C10orf105: variants seen among roughly 807,000 people sequenced by gnomAD.
C10orf105 encodes chromosome 10 open reading frame 105, also known as uncharacterized protein C10orf105.
C10orf105 carries 2 observed loss-of-function variants against 0.6 expected under a neutral mutation model. That is an observed-to-expected ratio of 3.18 (90% CI 1.30 to 10.01). The LOEUF is 10.01. C10orf105 is among the 30% of genes most tolerant of loss of function. C10orf105 has a pLI of 0.04. For missense variants in C10orf105, 209 were observed against 191.4 expected (o/e 1.09, Z -0.54); for synonymous variants, 95 against 82.4 (o/e 1.15, Z -0.83).
chr10:71,730,127 G>T (rs547814738), intron 1 of C10orf105, among the ~76,000 whole-genome samples: 1 of 152,074 alleles, frequency 6.6e-6, no homozygotes, highest in Non-Finnish European at 1.5e-5. Flanking sequence ...GTGAGCCACC[G>T]CGCCCGGCCG....
At chr10:71,732,487 C>A in intron 1 of C10orf105, 1 of 1,458,814 alleles carries the variant, frequency 6.9e-7, no homozygotes, top group Non-Finnish European at 9.2e-7. Flanking sequence ...CTTGAGATGG[C>A]CAAGTGTGGT....
chr10:71,725,475 G>A lies in C10orf105; in HGVS notation c.-5-9133C>T, dbSNP rs763647586. 1 of 1,613,958 alleles carries A rather than the reference G, an allele frequency of 6.2e-7. No individual in the cohort carries two copies. Among genetic ancestry groups the A allele is most frequent in the South Asian group, 1.1e-5 (1 of 91,066 alleles). On this transcript the variant is annotated intron_variant, in intron 1 of 1. Transcript: ENST00000398786. Reference sequence around the variant, plus strand: ...GGAACTCATCCCACGTGCTGATAGTGGAGGCCTACAACCACGACCTGGGCC... The same window carrying A: ...GGAACTCATCCCACGTGCTGATAGTAGAGGCCTACAACCACGACCTGGGCC...
chr10:71,712,755 A>T lies in C10orf105; in HGVS notation c.*3181T>A. 1.2e-6 allele frequency: 2 copies of T among 1,613,610 alleles called. No homozygotes were observed. The highest frequency in any genetic ancestry group is 2.2e-5 in the South Asian group (2 of 91,012). ...AATGACAACCGGCCCATCTTTCTGC[A>T]GAGCAGCTATGAGGCCAGCGTCCCT... On this transcript the variant is annotated 3_prime_UTR_variant, in exon 2 of 2. Transcript: ENST00000441508.
In C10orf105 at chr10:71,732,316, C is replaced by T. The variant is rs41281318; in HGVS notation, c.-6+5412G>A. On this transcript the variant is annotated intron_variant, in intron 1 of 1. Coordinates refer to the C10orf105 transcript ENST00000398786. ...CGACAACCTCAACCAAATCACGTAC[C>T]GCTTCAACGCCTACACCAGCACCCA... The T allele has an allele frequency of 4.4e-3, 7,066 of 1,603,690 alleles. 21 individuals carry two copies. Among genetic ancestry groups the T allele is most frequent in the Non-Finnish European group, 5.4e-3 (6,384 of 1,174,874 alleles).
chr10:71,724,748 C>T (rs1210673535), upstream of C10orf105, among the ~76,000 whole-genome samples: 1 of 152,244 alleles, frequency 6.6e-6, no homozygotes, highest in African/African-American at 2.4e-5. Flanking sequence ...CAATCAGAAT[C>T]CAGTGCCCAT....
chr10:71,726,432 G>A (rs1002142710), intron 1 of C10orf105, among the ~76,000 whole-genome samples: 1 of 152,202 alleles, frequency 6.6e-6, no homozygotes, highest in Non-Finnish European at 1.5e-5. Flanking sequence ...GGGTCTGATT[G>A]CTCAGGGGCT....
At chr10:71,722,748 A>G (rs562027408), upstream of C10orf105, among the ~76,000 whole-genome samples, 336 of 152,312 alleles carry the variant, frequency 2.2e-3, 1 homozygote, top group Non-Finnish European at 3.2e-3. Context: ...GGGCATGAAC[A>G]TGCAAATATC....
rs988572498 is a variant in C10orf105 at position 71,714,628 on chromosome 10, T to A, written c.*1308A>T. On this transcript the variant is annotated 3_prime_UTR_variant, in exon 2 of 2. Transcript: ENST00000441508. ...ATCAAGATGAGGCTAGAAAGATTAA[T>A]TGGAGCCAGCTCCCAGAGGGCACTG... is the stretch of plus-strand genomic sequence containing the variant. 1.3e-5 allele frequency: 2 copies of A among 152,228 alleles called. No individual in the cohort carries two copies. The allele number at this position is 152,228 out of a possible 1,614,324, so 9.4% of individuals were successfully genotyped here.
rs1227061 is a variant in C10orf105 at position 71,734,472 on chromosome 10, T to C, written c.-6+3256A>G. ...GGCGAGGGTCTTGATAGCCTGAGGC[T>C]TCGCCATGTCCAGCCATGCCACACC... On this transcript the variant is annotated intron_variant, in intron 1 of 1. Transcript: ENST00000398786. The C allele has an allele frequency of 0.8, 1,207,315 of 1,504,544 alleles. 485,342 individuals are homozygous for C. The highest frequency in any genetic ancestry group is 0.83 in the East Asian group (34,639 of 41,696). 93.2% of individuals were successfully genotyped at this position (1,504,544 alleles called of 1,614,324 possible). A position where few individuals can be genotyped will look rare whatever the true frequency, so the allele number is the denominator to read the frequency against.
intron 1 of C10orf105, chr10:71,717,452 G>A (rs887379993): frequency 6.6e-6 from 1 of 152,266 alleles, no homozygotes; most frequent in Non-Finnish European, 1.5e-5. Flanking sequence ...AACCCCCCAG[G>A]GACATCATAC....
intron 1 of C10orf105, among the ~76,000 whole-genome samples, chr10:71,726,613 A>T (rs944953485): frequency 2.6e-5 from 4 of 152,204 alleles, no homozygotes; most frequent in African/African-American, 9.6e-5. Context: ...GGCCCTGGTG[A>T]TGGAGACTCA....
intron 1 of C10orf105, among the ~76,000 whole-genome samples, chr10:71,737,047 AG>A (rs1231379584): frequency 1.3e-5 from 2 of 152,192 alleles, no homozygotes; most frequent in Non-Finnish European, 2.9e-5. Flanking sequence ...GGCCTTAGCT[AG>A]AGTGAGGGGG....
At chr10:71,730,630 GA>G (rs757163660) in intron 1 of C10orf105, 11 of 1,612,596 alleles carry the variant, frequency 6.8e-6, no homozygotes, top group Non-Finnish European at 8.5e-6. Flanking sequence ...GGAAGCCGGG[GA>G]TCCCATTGCT....
intron 1 of C10orf105, chr10:71,732,493 G>A (rs1370673114): frequency 2.1e-6 from 3 of 1,432,182 alleles, no homozygotes; most frequent in African/African-American, 1.4e-5. Flanking sequence ...ATGGCCAAGT[G>A]TGGTGTTAGG....
chr10:71,712,046 G>A lies in C10orf105; in HGVS notation c.*3890C>T, dbSNP rs1589360911. On this transcript the variant is annotated 3_prime_UTR_variant, in exon 2 of 2. Transcript: ENST00000441508. ...TCGGCAGGGTCACGCTTCCTCCAAA[G>A]GCTCTAGAGAGAATCAGTCCTTGAC... 1.3e-5 allele frequency: 2 copies of A among 151,766 alleles called. No homozygotes were observed. The highest frequency in any genetic ancestry group is 3.8e-4 in the East Asian group (2 of 5,206). 9.4% of individuals were successfully genotyped at this position (151,766 alleles called of 1,614,324 possible).
chr10:71,718,713 G>T (rs1277750721), intron 1 of C10orf105, among the ~76,000 whole-genome samples: 1 of 152,230 alleles, frequency 6.6e-6, no homozygotes, highest in Non-Finnish European at 1.5e-5. Context: ...GGAATCTGGA[G>T]ACCCTACTGG....
intron 1 of C10orf105, among the ~76,000 whole-genome samples, chr10:71,725,893 A>G: frequency 6.6e-6 from 1 of 152,164 alleles, no homozygotes; most frequent in East Asian, 1.9e-4. Context: ...GAGAAAACTG[A>G]GGCACAGAGA....
upstream of C10orf105, among the ~76,000 whole-genome samples, chr10:71,722,749 T>C (rs998689237): frequency 2.6e-5 from 4 of 152,076 alleles, no homozygotes; most frequent in African/African-American, 9.7e-5. Context: ...GGCATGAACA[T>C]GCAAATATCT....
chr10:71,723,082 T>G (rs1866630097), upstream of C10orf105, among the ~76,000 whole-genome samples: 1 of 152,058 alleles, frequency 6.6e-6, no homozygotes, highest in African/African-American at 2.4e-5. Context: ...GCAGCTCCCA[T>G]GCACACCACA....
Sources: allele counts gnomAD v4.1 joint callset (sites outside exome capture counted in the v4.1 genomes callset), GRCh38; gene constraint gnomAD v4.1.1; transcripts MANE v1.5; gene names NCBI Gene and HGNC (gene_info 2026-07-23, HGNC 2026-07-21).